DNAH17: variants seen among roughly 807,000 people sequenced by gnomAD.
DNAH17 encodes the protein axonemal beta dynein heavy chain 17.
A neutral mutation model predicts 485.6 loss-of-function variants in DNAH17; 376 were observed. That is an observed-to-expected ratio of 0.77 (90% confidence interval 0.71 to 0.84). The LOEUF is 0.84. Ranked by LOEUF, DNAH17 falls within the 40% of genes least tolerant of loss-of-function variation. DNAH17 has a pLI of 0.00. For missense variants in DNAH17, 6,370 were observed against 5,839.3 expected (o/e 1.09, Z -2.96); for synonymous variants, 3,031 against 2,405.9 (o/e 1.26, Z -7.60).
chr17:78,488,074 G>GA (rs79535704), intron 44 of DNAH17, among the ~76,000 whole-genome samples: 33,766 of 152,140 alleles, frequency 0.22, 3,956 homozygotes, highest in East Asian at 0.29. Context: ...CGCAGAGGCT[G>GA]CTGCTTTCTG....
At position 78,525,137 on chromosome 17, in the gene DNAH17, C is replaced by G; in HGVS notation, c.3736G>C (p.Glu1246Gln). ...TTGGACAGCGCCTCCATGATGCCTTCCATGGCGGAGATGCTCTTTTGTTGC... is the reference window on the plus strand; with the variant it reads ...TTGGACAGCGCCTCCATGATGCCTTGCATGGCGGAGATGCTCTTTTGTTGC... ...NKQQKSISAMEGIMEALSKSG... is the reference protein window; with the variant it reads ...NKQQKSISAMQGIMEALSKSG... The change falls in exon 25 of 81, where the codon GAA (glutamate) becomes CAA (glutamine). Residue 1246 changes from glutamate (E) to glutamine (Q), a missense_variant. By Grantham distance (29) the Glu-to-Gln change is conservative. Transcript: ENST00000389840. 1 of 1,613,522 alleles carries G rather than the reference C, an allele frequency of 6.2e-7. No homozygotes were observed. Among genetic ancestry groups the G allele is most frequent in the Non-Finnish European group, 8.5e-7 (1 of 1,179,764 alleles).
intron 60 of DNAH17, 38 bp downstream of exon 60, chr17:78,459,746 G>A (rs749396036): frequency 6.2e-7 from 1 of 1,610,166 alleles, no homozygotes; most frequent in South Asian, 1.1e-5. Flanking sequence ...TGGAGAATCG[G>A]AGGGAAGCCC....
At position 78,502,993 on chromosome 17, in the gene DNAH17, G is replaced by C. The variant is rs771932003; in HGVS notation, c.4975C>G (p.Arg1659Gly). Residue 1659 changes from arginine to glycine, a missense_variant, in exon 32 of 81, where the codon CGA becomes GGA. Physicochemically the swap from Arg to Gly is moderately radical, Grantham distance 125. Coordinates refer to ENST00000389840, the MANE Select transcript of DNAH17 (RefSeq NM_173628.4). ...LSGQVEVWLN[R>G]VLDRMCSTLR... ...GTAGAGCACATTCGGTCCAGCACTCGATTCAGCCACACTTCCACCTGGGGA... is the reference window on the plus strand; with the variant it reads ...GTAGAGCACATTCGGTCCAGCACTCCATTCAGCCACACTTCCACCTGGGGA... 3.1e-6 allele frequency: 5 copies of C among 1,613,674 alleles called. No homozygotes were observed. In the Admixed American group the frequency reaches 5.0e-5, roughly 16 times the overall value.
Position 78,490,822 on chromosome 17 carries a change from C to A in DNAH17, c.6695G>T (p.Arg2232Leu). Residue 2232 changes from arginine to leucine, a missense_variant, in exon 44 of 81, where the codon CGG becomes CTG. Transcript: ENST00000389840. ...NKVLTLASNE[R>L]IPLNRTMRLV... ...CCTCATGGTGCGGTTCAGGGGGATCCGCTCGTTGCTGGCCAGGGTGAGGAC... is the reference window on the plus strand; with the variant it reads ...CCTCATGGTGCGGTTCAGGGGGATCAGCTCGTTGCTGGCCAGGGTGAGGAC... The A allele has an allele frequency of 6.2e-7, 1 of 1,602,688 alleles. No individual in the cohort carries two copies.
Position 78,537,399 on chromosome 17 carries a change from G to C in DNAH17, c.2759C>G (p.Ser920Ter). ...LTFNPTLEVG[S>*]DRGFLALIEG... is the part of the protein sequence containing the mutation. ...GATCAGTGCCAGGAAGCCGCGATCT[G>C]AGCCCACCTCCAGGGTCGGGTTGAA... Residue 920 changes from serine to a stop codon, truncating the protein, a stop_gained, in exon 19 of 81, where the codon TCA (serine) becomes TGA (stop). Coordinates refer to ENST00000389840, the MANE Select transcript of DNAH17 (RefSeq NM_173628.4). LOFTEE classifies it high-confidence loss of function. The C allele has an allele frequency of 6.2e-7, 1 of 1,613,302 alleles. No homozygotes were observed. The highest frequency in any genetic ancestry group is 8.5e-7 in the Non-Finnish European group (1 of 1,179,796).
intron 33 of DNAH17, 34 bp downstream of exon 33, chr17:78,502,557 T>TA: frequency 6.3e-7 from 1 of 1,584,080 alleles, no homozygotes; most frequent in Non-Finnish European, 8.6e-7. Context: ...AAACAAGTTT[T>TA]AAAAACGTAA....
chr17:78,542,117 GCC>G (rs60167499), intron 17 of DNAH17, among the ~76,000 whole-genome samples: 3 of 18,168 alleles, frequency 1.7e-4, no homozygotes, highest in Non-Finnish European at 4.5e-4. Context: ...ACTGGAAACC[GCC>G]CCCCCCAAAA....
chr17:78,522,745 AAAC>A, intron 25 of DNAH17: 1 of 216,762 alleles, frequency 4.6e-6, no homozygotes, highest in East Asian at 1.2e-4. Context: ...GACCAGGCAA[AAAC>A]AATAATGCCG....
At chr17:78,469,632 G>GA (rs1372344224) in intron 54 of DNAH17, among the ~76,000 whole-genome samples, 3 of 152,212 alleles carry the variant, frequency 2.0e-5, no homozygotes, top group Non-Finnish European at 4.4e-5. Flanking sequence ...ACCTTGAACA[G>GA]AGCACAGCCA....
chr17:78,479,454 A>G (rs780295882), intron 50 of DNAH17, 31 bp downstream of exon 50: 47 of 1,578,300 alleles, frequency 3.0e-5, no homozygotes, highest in Non-Finnish European at 3.8e-5. Context: ...GGTTTTACCG[A>G]TGGGAGAGGG....
intron 77 of DNAH17, among the ~76,000 whole-genome samples, chr17:78,427,364 C>G (rs1162832304): frequency 6.6e-6 from 1 of 152,212 alleles, no homozygotes; most frequent in Non-Finnish European, 1.5e-5. Context: ...CATCAGGCCA[C>G]CTGGCTCGGT....
rs775832799 is a variant in DNAH17 at position 78,574,757 on chromosome 17, T to G, written c.301A>C (p.Ile101Leu). 4.3e-6 allele frequency: 7 copies of G among 1,613,522 alleles called. No homozygotes were observed. The highest frequency in any genetic ancestry group is 1.6e-4 in the Middle Eastern group (1 of 6,078). Residue 101 changes from isoleucine to leucine, a missense_variant, in exon 2 of 81, where the codon ATC becomes CTC. By Grantham distance (5) the Ile-to-Leu change is conservative (BLOSUM62 2). Transcript: ENST00000389840. Reference protein sequence around the residue: ...NYRARLLYGDISPTPVDQLIA... With the variant: ...NYRARLLYGDLSPTPVDQLIA... Reference sequence around the variant, plus strand: ...AGCTGGTCCACGGGTGTGGGGCTGATGTCGCCGTAAAGGAGCCGGGCCCTG... The same window carrying G: ...AGCTGGTCCACGGGTGTGGGGCTGAGGTCGCCGTAAAGGAGCCGGGCCCTG...
chr17:78,458,970 T>TTGG, intron 61 of DNAH17, 31 bp downstream of exon 61: 1 of 1,611,618 alleles, frequency 6.2e-7, no homozygotes, highest in Non-Finnish European at 8.5e-7. Flanking sequence ...GCTCTGGTGT[T>TTGG]TCGCAGGGAC....
chr17:78,498,931 C>A (rs952999067), intron 37 of DNAH17, 77 bp downstream of exon 37: 1 of 1,148,838 alleles, frequency 8.7e-7, no homozygotes, highest in Middle Eastern at 2.0e-4. Flanking sequence ...GAGGGTCTAT[C>A]TGGCGTGTGA....
chr17:78,444,704 C>T lies in DNAH17; in HGVS notation c.11428G>A (p.Glu3810Lys), dbSNP rs774747332. The change falls in exon 71 of 81, where the codon GAG becomes AAG. Residue 3810 changes from glutamate (E) to lysine (K), a missense_variant. Physicochemically the swap from Glu to Lys is moderately conservative, Grantham distance 56 (BLOSUM62 1). Transcript: ENST00000389840. ...CACTCCTTGGGGAAGATCTCCTTCT[C>T]GGGGGCTTCCGACTCCACCAGCTTT... ...WKKLVESEAP[E>K]KEIFPKEWKN... 32 of 1,608,654 alleles carry T rather than the reference C, an allele frequency of 2.0e-5. No individual in the cohort carries two copies. Among genetic ancestry groups the T allele is most frequent in the African/African-American group, 2.7e-5 (2 of 74,290 alleles).
intron 9 of DNAH17, 80 bp from the exon 10 acceptor site, chr17:78,567,246 A>G: frequency 6.7e-7 from 1 of 1,484,612 alleles, no homozygotes; most frequent in South Asian, 1.2e-5. Context: ...CTCTGACCCC[A>G]GGCAGGAGGA....
chr17:78,450,922 A>G, intron 66 of DNAH17, 76 bp from the exon 67 acceptor site: 7 of 1,551,474 alleles, frequency 4.5e-6, no homozygotes, highest in Admixed American at 1.7e-5. Context: ...TCAGGTGGCC[A>G]TGTAGCTGAG....
chr17:78,451,592 G>T lies in DNAH17; in HGVS notation c.10611C>A (p.His3537Gln). The T allele has an allele frequency of 1.2e-6, 2 of 1,612,800 alleles. No homozygotes were observed. The highest frequency in any genetic ancestry group is 8.5e-7 in the Non-Finnish European group (1 of 1,179,280). ...LILHTKYFNP[H>Q]YKPEMQAQCT... ...ACTGAGCCTGCATCTCTGGCTTGTAGTGTGGGTTGAAGTACTTGGTGTGTA... is the reference window on the plus strand; with the variant it reads ...ACTGAGCCTGCATCTCTGGCTTGTATTGTGGGTTGAAGTACTTGGTGTGTA... Residue 3537 changes from histidine to glutamine, a missense_variant, in exon 66 of 81, where the codon CAC becomes CAA. Transcript: ENST00000389840.
chr17:78,488,370 A>T (rs117471958), intron 44 of DNAH17, among the ~76,000 whole-genome samples: 4,933 of 151,778 alleles, frequency 0.033, 107 homozygotes, highest in South Asian at 0.074. Flanking sequence ...GCCCATTTCC[A>T]TTCTCTCCTC....
Sources: gnomAD v4.1 joint callset for allele counts (sites outside exome capture counted in the v4.1 genomes callset) on GRCh38, gnomAD v4.1.1 for gene constraint, MANE v1.5 for transcripts, NCBI Gene and HGNC (gene_info 2026-07-23, HGNC 2026-07-21) for gene names.